CAV2: variants seen among roughly 807,000 people sequenced by gnomAD.
CAV2 encodes caveolin-2.
A neutral mutation model predicts 15.5 loss-of-function variants in CAV2; 7 were observed. The ratio of observed to expected loss-of-function variants is 0.45; its 90% CI spans 0.26 to 0.85. The LOEUF (loss-of-function observed/expected upper bound fraction) is 0.85. CAV2 is among the 40% of genes least tolerant of loss of function. The pLI, the probability that CAV2 is intolerant of heterozygous loss-of-function variation, is 0.18. For missense variants in CAV2, 229 were observed against 208.8 expected, an observed-to-expected ratio of 1.10 and a Z score of -0.60; for synonymous variants, 76 against 83.1, an observed-to-expected ratio of 0.91 and a Z score of 0.46.
rs141220323 is a variant in CAV2 at position 116,506,090 on chromosome 7, C to G, written c.458C>G (p.Ser153Cys). The change falls in exon 3 of 3, where the codon TCT becomes TGT. Residue 153 changes from serine to cysteine, a missense_variant. Physicochemically the swap from Ser to Cys is moderately radical, Grantham distance 112. Coordinates refer to ENST00000222693, the MANE Select transcript of CAV2 (RefSeq NM_001233.5). The part of the protein sequence containing the change: ...PLCTSVGRCF[S>C]SVSLQLSQD ...TGTACGAGCGTAGGACGATGCTTCT[C>G]TTCTGTCAGCCTGCAACTGAGCCAG... 1 of 1,614,138 alleles carries G rather than the reference C, an allele frequency of 6.2e-7. No individual in the cohort carries two copies. The highest frequency in any genetic ancestry group is 1.3e-5 in the African/African-American group (1 of 75,054).
At chr7:116,503,480 G>A (rs1203618272) in intron 2 of CAV2, among the ~76,000 whole-genome samples, 1 of 152,134 alleles carries the variant, frequency 6.6e-6, no homozygotes, top group Admixed American at 6.5e-5. Flanking sequence ...AGGACATGGA[G>A]ATCTAAGGAG....
chr7:116,507,733 G>C lies in CAV2; in HGVS notation c.*1612G>C, dbSNP rs1793275880. The C allele has an allele frequency of 6.6e-6, 1 of 151,636 alleles. No homozygotes were observed. The highest frequency in any genetic ancestry group is 2.1e-4 in the South Asian group (1 of 4,810). The allele number at this position is 151,636 out of a possible 1,614,324, so 9.4% of individuals were successfully genotyped here. A position where few individuals can be genotyped will look rare whatever the true frequency, so the allele number is the denominator to read the frequency against. ...AAAATCTCATTATTTCAAAATGATA[G>C]ACATATACCAAAAACAAGTCTATAA... is the stretch of plus-strand genomic sequence containing the variant. On this transcript the variant is annotated 3_prime_UTR_variant, in exon 3 of 3. Transcript: ENST00000222693.
At position 116,506,009 on chromosome 7, in the gene CAV2, T is replaced by C. The variant is rs1194838753; in HGVS notation, c.377T>C (p.Leu126Pro). The C allele has an allele frequency of 1.9e-6, 3 of 1,613,872 alleles. No homozygotes were observed. Among genetic ancestry groups the C allele is most frequent in the Admixed American group, 3.3e-5 (2 of 60,012 alleles). Residue 126 changes from leucine (L) to proline (P), a missense_variant, in exon 3 of 3, where the codon CTG becomes CCG. Leu to Pro is a moderately conservative substitution (Grantham distance 98, BLOSUM62 -3). Transcript: ENST00000222693. ...MPFVKTCLMV[L>P]PSVQTIWKSV... is the part of the protein sequence containing the mutation. ...TTTGTAAAGACCTGCCTAATGGTTC[T>C]GCCTTCAGTGCAGACAATATGGAAG...
In CAV2 at chr7:116,499,912, G is replaced by A; in HGVS notation, c.131G>A (p.Arg44Gln). Reference protein sequence around the residue: ...ADSDQDRDPHRLNSHLKLGFE... With the variant: ...ADSDQDRDPHQLNSHLKLGFE... ...TCGGACCAGGACCGGGATCCCCACCGGCTCAACTCGCATCTCAAGGTGAAG... is the reference window on the plus strand; with the variant it reads ...TCGGACCAGGACCGGGATCCCCACCAGCTCAACTCGCATCTCAAGGTGAAG... Residue 44 changes from arginine to glutamine, a missense_variant, in exon 1 of 3, where the codon CGG becomes CAG. By Grantham distance (43) the Arg-to-Gln change is conservative. Coordinates refer to ENST00000222693, the MANE Select transcript of CAV2 (RefSeq NM_001233.5). 1.9e-6 allele frequency: 3 copies of A among 1,611,448 alleles called. No homozygotes were observed. Among genetic ancestry groups the A allele is most frequent in the Non-Finnish European group, 2.5e-6 (3 of 1,179,330 alleles).
intron 1 of CAV2, 43 bp from the exon 2 acceptor site, chr7:116,500,217 A>G: frequency 6.3e-7 from 1 of 1,587,940 alleles, no homozygotes; most frequent in Non-Finnish European, 8.6e-7. Context: ...CCGGGGCGTC[A>G]GGTTGGCTGA....
At chr7:116,504,038 A>AAAAGAAAG (rs34652023) in intron 2 of CAV2, among the ~76,000 whole-genome samples, 55 of 122,810 alleles carry the variant, frequency 4.5e-4, no homozygotes, top group African/African-American at 1.4e-3. Flanking sequence ...AAGAGAAAGA[A>AAAAGAAAG]AAAGAAAGAA....
chr7:116,505,370 T>G (rs1453165932), intron 2 of CAV2, among the ~76,000 whole-genome samples: 1 of 152,266 alleles, frequency 6.6e-6, no homozygotes, highest in African/African-American at 2.4e-5. Context: ...TACATGACTA[T>G]ATTTTTAGGC....
intron 1 of CAV2, 55 bp downstream of exon 1, chr7:116,499,986 G>A (rs2116113316): frequency 6.3e-7 from 1 of 1,578,796 alleles, no homozygotes; most frequent in Non-Finnish European, 8.6e-7. Flanking sequence ...AGGTGCGGGC[G>A]CCCCTCAGCC....
In CAV2 at chr7:116,506,516, T is replaced by C. The variant is rs1046746117; in HGVS notation, c.*395T>C. The C allele has an allele frequency of 9.8e-5, 16 of 162,894 alleles. No homozygotes were observed. The highest frequency in any genetic ancestry group is 9.4e-4 in the Admixed American group (15 of 16,022). 10.1% of individuals were successfully genotyped at this position (162,894 alleles called of 1,614,324 possible). ...GATTTCTTATTTGTTTGTCTGTTTT[T>C]ACTCTGGGAGTAATACTTTTTAAAT... On this transcript the variant is annotated 3_prime_UTR_variant, in exon 3 of 3. Transcript: ENST00000222693.
At position 116,506,746 on chromosome 7, in the gene CAV2, T is replaced by G. The variant is rs540382180; in HGVS notation, c.*625T>G. ...AGATGTTTCATTTTACTGTATATTT[T>G]GTAGTTAATATAAATGTTGCTCTAA... On this transcript the variant is annotated 3_prime_UTR_variant, in exon 3 of 3. Transcript: ENST00000222693. 53 of 152,346 alleles carry G rather than the reference T, an allele frequency of 3.5e-4. No individual in the cohort carries two copies. Among genetic ancestry groups the G allele is most frequent in the African/African-American group, 1.3e-3 (52 of 41,592 alleles). The allele number at this position is 152,346 out of a possible 1,614,324, so 9.4% of individuals were successfully genotyped here. A position where few individuals can be genotyped will look rare whatever the true frequency, so the allele number is the denominator to read the frequency against.
chr7:116,504,551 T>C (rs1160583916), intron 2 of CAV2, among the ~76,000 whole-genome samples: 3 of 152,212 alleles, frequency 2.0e-5, no homozygotes, highest in African/African-American at 4.8e-5. Context: ...GCCTAATATT[T>C]CCTTCATTTT....
chr7:116,499,993 A>G, intron 1 of CAV2, 62 bp downstream of exon 1: 7 of 1,575,816 alleles, frequency 4.4e-6, no homozygotes, highest in Non-Finnish European at 6.0e-6. Context: ...GGCGCCCCTC[A>G]GCCCCGCCCT....
At chr7:116,501,591 G>C (rs1793105260) in intron 2 of CAV2, among the ~76,000 whole-genome samples, 1 of 152,200 alleles carries the variant, frequency 6.6e-6, no homozygotes, top group African/African-American at 2.4e-5. Flanking sequence ...CACTGGGCCA[G>C]GATGAATGAG....
At chr7:116,505,047 C>T (rs1022759464) in intron 2 of CAV2, among the ~76,000 whole-genome samples, 4 of 152,128 alleles carry the variant, frequency 2.6e-5, no homozygotes, top group Non-Finnish European at 4.4e-5. Flanking sequence ...AAAACTTAAA[C>T]GCTAGTAGGA....
Position 116,506,271 on chromosome 7 carries a change from G to T in CAV2, c.*150G>T. On this transcript the variant is annotated 3_prime_UTR_variant, in exon 3 of 3. Coordinates refer to ENST00000222693, the MANE Select transcript of CAV2 (RefSeq NM_001233.5). ...CCACATTTAGAAATGTTTATTGACA[G>T]GTCTTTTCAAATAATGCTTTTCTAA... is the stretch of plus-strand genomic sequence containing the variant. 1 of 682,968 alleles carries T rather than the reference G, an allele frequency of 1.5e-6. No individual in the cohort carries two copies. Among genetic ancestry groups the T allele is most frequent in the Non-Finnish European group, 2.4e-6 (1 of 421,742 alleles). The allele number at this position is 682,968 out of a possible 1,614,324, so 42.3% of individuals were successfully genotyped here.
rs1255640962 is a variant in CAV2 at position 116,506,000 on chromosome 7, T to G, written c.368T>G (p.Leu123Arg). The stretch of plus-strand genomic sequence containing the variant: ...TTAATGCCTTTTGTAAAGACCTGCC[T>G]AATGGTTCTGCCTTCAGTGCAGACA... ...WILMPFVKTC[L>R]MVLPSVQTIW... The change falls in exon 3 of 3, where the codon CTA becomes CGA. Residue 123 changes from leucine to arginine, a missense_variant. Leu to Arg is a moderately radical substitution (Grantham distance 102). Coordinates refer to ENST00000222693, the MANE Select transcript of CAV2 (RefSeq NM_001233.5). 1 of 1,613,656 alleles carries G rather than the reference T, an allele frequency of 6.2e-7. No homozygotes were observed. The highest frequency in any genetic ancestry group is 1.1e-5 in the South Asian group (1 of 90,996).
In CAV2 at chr7:116,499,742, C is replaced by A; in HGVS notation, c.-40C>A. On this transcript the variant is annotated 5_prime_UTR_variant, in exon 1 of 3. Transcript: ENST00000222693. Reference sequence around the variant, plus strand: ...AGGCCGCGCGGACCGGGAGCCGCACCGCGCCAGCCGGGCTGCAGCGGCCGC... The same window carrying A: ...AGGCCGCGCGGACCGGGAGCCGCACAGCGCCAGCCGGGCTGCAGCGGCCGC... 1.4e-6 allele frequency: 2 copies of A among 1,463,092 alleles called. No individual in the cohort carries two copies. The highest frequency in any genetic ancestry group is 9.0e-7 in the Non-Finnish European group (1 of 1,106,104). 90.6% of individuals were successfully genotyped at this position (1,463,092 alleles called of 1,614,324 possible). A position where few individuals can be genotyped will look rare whatever the true frequency, so the allele number is the denominator to read the frequency against.
In CAV2 at chr7:116,499,790, G is replaced by A; in HGVS notation, c.9G>A (p.Leu3=). 6.4e-7 allele frequency: 1 copy of A among 1,573,882 alleles called. No individual in the cohort carries two copies. ...CGCGCACCAAGGCTGCGATGGGGCT[G>A]GAGACGGAGAAGGCGGACGTACAGC... is the stretch of plus-strand genomic sequence containing the variant. MG[L]ETEKADVQLF... is the part of the protein sequence containing the mutation. Residue 3 remains leucine (L), a synonymous_variant, in exon 1 of 3, where the codon CTG becomes CTA. Transcript: ENST00000222693.
At chr7:116,505,874 G>A in intron 2 of CAV2, 97 bp from the exon 3 acceptor site, 1 of 728,792 alleles carries the variant, frequency 1.4e-6, no homozygotes, top group Non-Finnish European at 2.2e-6. Context: ...CCAAATTTAA[G>A]TAAATGGGTC....
Sources: allele counts gnomAD v4.1 joint callset (sites outside exome capture counted in the v4.1 genomes callset), GRCh38; gene constraint gnomAD v4.1.1; transcripts MANE v1.5; gene names NCBI Gene and HGNC (gene_info 2026-07-23, HGNC 2026-07-21).